Variants in DPH6 observed in about 807,000 individuals in gnomAD.
DPH6 encodes the protein diphthamine biosynthesis 6, also known as diphthine--ammonia ligase.
DPH6 carries 33 observed loss-of-function variants against 38.2 expected under a neutral mutation model. That is an observed-to-expected ratio of 0.86 (90% CI 0.65 to 1.15). The LOEUF (loss-of-function observed/expected upper bound fraction) is 1.15. Among genes scored for constraint, DPH6 ranks in the 50% most tolerant of loss-of-function variants. The pLI is 0.00. For missense variants in DPH6, 325 were observed against 320.0 expected (o/e 1.02, Z -0.12); for synonymous variants, 108 against 103.0 (o/e 1.05, Z -0.30).
At chr15:35,502,654 G>A (rs565549485) in intron 3 of DPH6, among the ~76,000 whole-genome samples, 1 of 151,804 alleles carries the variant, frequency 6.6e-6, no homozygotes, top group South Asian at 2.1e-4. Flanking sequence ...AACATTTAAA[G>A]AGGAATATCT....
chr15:35,312,605 A>C (rs1395146756), intron 3 of DPH6, among the ~76,000 whole-genome samples: 4 of 152,248 alleles, frequency 2.6e-5, no homozygotes, highest in Non-Finnish European at 5.9e-5. Context: ...AATATTCAGC[A>C]TTAATAAAGA....
chr15:35,485,451 C>T (rs771900055), intron 3 of DPH6, among the ~76,000 whole-genome samples: 19 of 152,196 alleles, frequency 1.2e-4, no homozygotes, highest in African/African-American at 4.3e-4. Flanking sequence ...GTTTATTCTA[C>T]GGTTCACCCC....
chr15:35,243,843 C>A (rs370960940), intron 3 of DPH6, among the ~76,000 whole-genome samples: 9 of 152,288 alleles, frequency 5.9e-5, no homozygotes, highest in African/African-American at 2.2e-4. Flanking sequence ...TGAAAAATTC[C>A]TTTCTATTTT....
chr15:35,289,222 A>G (rs567553897), intron 3 of DPH6, among the ~76,000 whole-genome samples: 1 of 152,330 alleles, frequency 6.6e-6, no homozygotes, highest in East Asian at 1.9e-4. Context: ...AGAAGGTGGC[A>G]GTATTACTAC....
chr15:35,495,618 T>C (rs563787379), intron 3 of DPH6, among the ~76,000 whole-genome samples: 2 of 152,296 alleles, frequency 1.3e-5, no homozygotes, highest in South Asian at 2.1e-4. Flanking sequence ...AGGAATGTAC[T>C]AGATCCACAG....
chr15:35,308,141 C>T (rs1043637887), intron 3 of DPH6, among the ~76,000 whole-genome samples: 6 of 151,888 alleles, frequency 4.0e-5, no homozygotes, highest in Admixed American at 3.3e-4. Context: ...TGGTGGCGTG[C>T]GCCTGTAGTC....
chr15:35,448,990 T>TTTTC (rs2053893536), intron 5 of DPH6, among the ~76,000 whole-genome samples: 1 of 131,778 alleles, frequency 7.6e-6, no homozygotes, highest in Non-Finnish European at 1.6e-5. Flanking sequence ...TCTCATTTTT[T>TTTTC]TTTTTTTTGC....
chr15:35,516,823 T>A (rs909388604), intron 3 of DPH6, among the ~76,000 whole-genome samples: 2 of 152,064 alleles, frequency 1.3e-5, no homozygotes, highest in African/African-American at 4.8e-5. Context: ...TCTAATATAC[T>A]CCTAGGAGGT....
chr15:35,384,557 G>A lies in DPH6; in HGVS notation c.568-2641C>T, dbSNP rs921385833. 2.0e-5 allele frequency among the ~76,000 whole-genome samples: 3 copies of A among 152,146 alleles called. No individual in the cohort carries two copies. In the South Asian group the frequency reaches 6.2e-4, roughly 32 times the overall value. ...TGGAAAAAAAAATCCCAGCTACTCAGGAGGCTGAGGCAGGAGAATCGCTTG... is the reference window on the plus strand; with the variant it reads ...TGGAAAAAAAAATCCCAGCTACTCAAGAGGCTGAGGCAGGAGAATCGCTTG... On this transcript the variant is annotated intron_variant, in intron 6 of 8. Coordinates refer to ENST00000256538, the MANE Select transcript of DPH6 (RefSeq NM_080650.4).
intron 7 of DPH6, among the ~76,000 whole-genome samples, chr15:35,377,330 T>C (rs1162634777): frequency 6.6e-6 from 1 of 151,918 alleles, no homozygotes; most frequent in Non-Finnish European, 1.5e-5. Flanking sequence ...CACCCATCCA[T>C]CCATCCATCC....
At position 35,226,206 on chromosome 15, in the gene DPH6, CTATT is replaced by C. The variant is rs200203645; in HGVS notation, n.201-5628_201-5625del. Among the ~76,000 whole-genome samples the C allele has an allele frequency of 2.8e-4, 43 of 152,238 alleles. No individual in the cohort carries two copies. The East Asian group carries it at 7.9e-3, about 28-fold the overall frequency. ...GGAATAGCTGTAAATGTTCATGTAT[CTATT>C]CGGTTTTCTGCAATCTGGAACAGGC... On this transcript the variant is annotated intron_variant and non_coding_transcript_variant, in intron 3 of 3. Coordinates refer to the DPH6 transcript ENST00000560386.
the DPH6 span, among the ~76,000 whole-genome samples, chr15:35,209,318 T>C: frequency 1.3e-5 from 2 of 152,286 alleles, no homozygotes; most frequent in African/African-American, 4.8e-5. Context: ...GCTCACTCAA[T>C]TGTTTAACTT....
chr15:35,361,329 G>A (rs938817208), intron 3 of DPH6, among the ~76,000 whole-genome samples: 8 of 152,238 alleles, frequency 5.3e-5, no homozygotes, highest in African/African-American at 1.9e-4. Flanking sequence ...GATATGAGCT[G>A]GGGAACCTCA....
chr15:35,306,250 A>G (rs2052089885), intron 3 of DPH6, among the ~76,000 whole-genome samples: 2 of 152,226 alleles, frequency 1.3e-5, no homozygotes, highest in African/African-American at 4.8e-5. Flanking sequence ...TTTATAATAC[A>G]GTGTGTTTCT....
chr15:35,147,374 G>A, the DPH6 span, among the ~76,000 whole-genome samples: 14 of 152,074 alleles, frequency 9.2e-5, no homozygotes, highest in African/African-American at 3.1e-4. Context: ...AATATACAGA[G>A]CATTATCCAT....
At chr15:35,153,436 GA>G in the DPH6 span, among the ~76,000 whole-genome samples, 2 of 152,188 alleles carry the variant, frequency 1.3e-5, no homozygotes, top group East Asian at 3.9e-4. Flanking sequence ...TCGAACTAAA[GA>G]AAAAATGCAT....
intron 3 of DPH6, among the ~76,000 whole-genome samples, chr15:35,251,454 G>C (rs1018377592): frequency 2.0e-5 from 3 of 152,082 alleles, no homozygotes; most frequent in Non-Finnish European, 4.4e-5. Flanking sequence ...AAACAGGGCT[G>C]ATCATGTCAT....
At chr15:35,333,487 G>GGCCA (rs1255941554) in intron 3 of DPH6, among the ~76,000 whole-genome samples, 4 of 152,108 alleles carry the variant, frequency 2.6e-5, no homozygotes, top group Non-Finnish European at 4.4e-5. Context: ...TGATTAGAAA[G>GGCCA]TAATAGGCTA....
chr15:35,354,861 A>G (rs943334624), intron 3 of DPH6, among the ~76,000 whole-genome samples: 3 of 152,128 alleles, frequency 2.0e-5, no homozygotes, highest in Admixed American at 2.0e-4. Flanking sequence ...TCTCTTGTTG[A>G]TCTGTCTAAT....
Sources: allele counts gnomAD v4.1 joint callset (sites outside exome capture counted in the v4.1 genomes callset), GRCh38; gene constraint gnomAD v4.1.1; transcripts MANE v1.5; gene names NCBI Gene and HGNC (gene_info 2026-07-23, HGNC 2026-07-21).